The following NLRC5 variants were observed in gnomAD, a reference collection of about 807,000 sequenced individuals.
NLRC5 encodes protein NLRC5.
Under a neutral mutation model 206.9 loss-of-function variants are expected in NLRC5, and 114 were observed. The ratio of observed to expected loss-of-function variants is 0.55; its 90% CI spans 0.47 to 0.64. The LOEUF (loss-of-function observed/expected upper bound fraction) is 0.64. NLRC5 is among the 30% of genes least tolerant of loss of function. NLRC5 has a pLI of 0.00. For missense variants in NLRC5, 2,008 were observed against 2,305.5 expected, an observed-to-expected ratio of 0.87 and a Z score of 2.64; for synonymous variants, 952 against 962.8, an observed-to-expected ratio of 0.99 and a Z score of 0.21.
rs2060106590 is a variant in NLRC5 at position 57,016,361 on chromosome 16, G to A, written c.-127-713G>A. On this transcript the variant is annotated intron_variant, in intron 1 of 48. Coordinates refer to ENST00000688547, the MANE Select transcript of NLRC5 (RefSeq NM_001384950.1). ...TTATGTCAGAATGTGCCCTATTTAC[G>A]TGGATTTGTCTAAAGTCATGGAACT... Among the ~76,000 whole-genome samples the A allele has an allele frequency of 2.0e-5, 3 of 152,018 alleles. No homozygotes were observed. The South Asian group carries it at 6.2e-4, about 32-fold the overall frequency.
At chr16:57,041,069 C>T (rs926691867) in intron 17 of NLRC5, among the ~76,000 whole-genome samples, 2 of 152,184 alleles carry the variant, frequency 1.3e-5, no homozygotes, top group African/African-American at 4.8e-5. Context: ...TGGGGGCTCC[C>T]ATCAGCACTC....
chr16:57,044,787 T>C (rs2063729948), intron 20 of NLRC5, among the ~76,000 whole-genome samples: 1 of 151,758 alleles, frequency 6.6e-6, no homozygotes, highest in Non-Finnish European at 1.5e-5. Flanking sequence ...CCAAGCGTGA[T>C]GGCATGCACC....
chr16:57,049,203 C>T (rs904067822), intron 23 of NLRC5, among the ~76,000 whole-genome samples: 2 of 152,208 alleles, frequency 1.3e-5, no homozygotes, highest in Non-Finnish European at 2.9e-5. Flanking sequence ...TCCTAGGCTG[C>T]ATGCAGCAGG....
intron 29 of NLRC5, 50 bp downstream of exon 29, chr16:57,059,111 G>GC: frequency 6.2e-7 from 1 of 1,612,594 alleles, no homozygotes; most frequent in Non-Finnish European, 8.5e-7. Flanking sequence ...GCCAACAGGT[G>GC]CCCCTGGCTG....
At chr16:56,994,843 G>A (rs1487898715) in intron 1 of NLRC5, among the ~76,000 whole-genome samples, 8 of 152,180 alleles carry the variant, frequency 5.3e-5, no homozygotes, top group African/African-American at 1.9e-4. Flanking sequence ...CATTGTGAAT[G>A]ACATTTTTGC....
At chr16:57,077,017 T>G in intron 40 of NLRC5, 115 bp downstream of exon 40, 2 of 918,464 alleles carry the variant, frequency 2.2e-6, no homozygotes, top group Non-Finnish European at 3.5e-6. Context: ...CTTCACCCAC[T>G]TCTACACTGT....
At chr16:57,061,065 G>A (rs2066412532) in intron 30 of NLRC5, among the ~76,000 whole-genome samples, 2 of 152,258 alleles carry the variant, frequency 1.3e-5, no homozygotes, top group African/African-American at 4.8e-5. Flanking sequence ...ACCAGATTCT[G>A]CCCTTCTTTC....
Position 57,023,795 on chromosome 16 carries a change from C to A in NLRC5, c.366C>A (p.Arg122=), listed in dbSNP as rs1340277631. Residue 122 remains arginine (R), a synonymous_variant, in exon 5 of 49, where the codon CGC becomes CGA. Coordinates refer to ENST00000688547, the MANE Select transcript of NLRC5 (RefSeq NM_001384950.1). ...PESQLHHGLK[R]PHQSCGSSPR... ...CCTTTGCTTTTTCAGGCCTGAAGCG[C>A]CCACATCAGAGCTGTGGGTCCTCAC... The A allele has an allele frequency of 6.2e-7, 1 of 1,611,832 alleles. No homozygotes were observed. The highest frequency in any genetic ancestry group is 2.2e-5 in the East Asian group (1 of 44,876).
intron 15 of NLRC5, 81 bp from the exon 16 acceptor site, chr16:57,039,700 G>A: frequency 7.6e-7 from 1 of 1,307,656 alleles, no homozygotes; most frequent in Non-Finnish European, 1.1e-6. Context: ...TTGGGCAACA[G>A]ACTGAGACCT....
chr16:57,043,402 G>A (rs1232631001), intron 19 of NLRC5, 113 bp from the exon 20 acceptor site: 1 of 840,124 alleles, frequency 1.2e-6, no homozygotes, highest in East Asian at 2.4e-5. Context: ...CTTGGGTTCA[G>A]TGGGTTCCGT....
rs528627191 is a variant in NLRC5, at chr16:57,036,202, C to A, written c.2711+19C>A. On this transcript the variant is annotated intron_variant, in intron 14 of 48. Coordinates refer to ENST00000688547, the MANE Select transcript of NLRC5 (RefSeq NM_001384950.1). Reference sequence around the variant, plus strand: ...AGCTGGAGTGAGTTGTCCACCCCACCGCTGGGTACCAGGGAAGGCCCTGTA... The same window carrying A: ...AGCTGGAGTGAGTTGTCCACCCCACAGCTGGGTACCAGGGAAGGCCCTGTA... The A allele has an allele frequency of 1.2e-6, 2 of 1,609,952 alleles. No homozygotes were observed. The highest frequency in any genetic ancestry group is 1.1e-5 in the South Asian group (1 of 90,812).
intron 1 of NLRC5, among the ~76,000 whole-genome samples, chr16:56,996,090 C>T (rs191398258): frequency 2.8e-4 from 43 of 152,284 alleles, no homozygotes; most frequent in Admixed American, 1.1e-3. Flanking sequence ...GCCAGGCCTC[C>T]GGTCAGAGCC....
chr16:57,025,075 A>C (rs1549669), intron 5 of NLRC5, among the ~76,000 whole-genome samples: 89,375 of 151,998 alleles, frequency 0.59, 26,532 homozygotes, highest in East Asian at 0.76. Context: ...ATCTTACTGA[A>C]CCCTTACACC....
intron 8 of NLRC5, among the ~76,000 whole-genome samples, chr16:57,029,115 C>T (rs2061534197): frequency 6.6e-6 from 1 of 152,190 alleles, no homozygotes; most frequent in African/African-American, 2.4e-5. Context: ...TCCCTATTGT[C>T]GTCTCGGCTG....
At chr16:57,038,808 A>T (rs1400505368) in intron 15 of NLRC5, among the ~76,000 whole-genome samples, 1 of 151,772 alleles carries the variant, frequency 6.6e-6, no homozygotes, top group Non-Finnish European at 1.5e-5. Flanking sequence ...GGTGGCGTGC[A>T]CCTGTAATTC....
intron 33 of NLRC5, among the ~76,000 whole-genome samples, chr16:57,065,755 C>T (rs2067011580): frequency 6.6e-6 from 1 of 152,248 alleles, no homozygotes; most frequent in African/African-American, 2.4e-5. Flanking sequence ...CCTCAACCTC[C>T]TGCTCTTAAA....
rs764026521 is a variant in NLRC5, at chr16:57,077,415, G to A, written c.4919+36G>A. The A allele has an allele frequency of 2.5e-6, 4 of 1,569,588 alleles. No homozygotes were observed. In the South Asian group the frequency reaches 3.3e-5, roughly 13 times the overall value. ...AGCCCTACAGAGGAGGGCCACAGGG[G>A]TCACACGATGGTCCTAGGAGATACT... On this transcript the variant is annotated intron_variant, in intron 41 of 48. Coordinates refer to ENST00000688547, the MANE Select transcript of NLRC5 (RefSeq NM_001384950.1).
rs1267674072 is a variant in NLRC5, at chr16:57,079,226, C to T, written c.5171C>T (p.Ala1724Val). 4.3e-6 allele frequency: 7 copies of T among 1,613,834 alleles called. No individual in the cohort carries two copies. The highest frequency in any genetic ancestry group is 1.7e-5 in the Admixed American group (1 of 60,008). The change falls in exon 45 of 49, where the codon GCG (alanine) becomes GTG (valine). Residue 1724 changes from alanine to valine, a missense_variant. Transcript: ENST00000688547. ...GSPHLEEISL[A>V]ENNLAGGVLR... The stretch of plus-strand genomic sequence containing the variant: ...GTATCTCCCCTACCCTGCAGCTTGG[C>T]GGAAAACAACCTGGCTGGAGGGGTC...
intron 46 of NLRC5, among the ~76,000 whole-genome samples, chr16:57,080,223 G>A (rs370126987): frequency 1.3e-5 from 2 of 152,156 alleles, no homozygotes; most frequent in Non-Finnish European, 2.9e-5. Context: ...ATTTTAGTTT[G>A]CATCCTAAAG....
Sources: allele counts gnomAD v4.1 joint callset (sites outside exome capture counted in the v4.1 genomes callset), GRCh38; gene constraint gnomAD v4.1.1; transcripts MANE v1.5; gene names NCBI Gene and HGNC (gene_info 2026-07-23, HGNC 2026-07-21).